The following KLF12 variants were observed in gnomAD, a reference collection of about 807,000 sequenced individuals.
KLF12 encodes Krueppel-like factor 12.
Under a neutral mutation model 37.8 loss-of-function variants are expected in KLF12, and 9 were observed. The observed-to-expected ratio is 0.24, with a 90% CI of 0.14 to 0.42. The LOEUF (loss-of-function observed/expected upper bound fraction) is 0.42. Ranked by LOEUF, KLF12 falls within the 10% of genes least tolerant of loss-of-function variation. KLF12 has a pLI of 1.00. For missense variants in KLF12, 411 were observed against 516.0 expected (o/e 0.80, Z 1.97); for synonymous variants, 208 against 202.1 (o/e 1.03, Z -0.25).
intron 1 of KLF12, among the ~76,000 whole-genome samples, chr13:74,126,048 A>G (rs1221507774): frequency 1.3e-5 from 2 of 152,238 alleles, no homozygotes; most frequent in Non-Finnish European, 1.5e-5. Flanking sequence ...AATACAGTTC[A>G]TAAGAGTCCA....
chr13:73,804,470 CA>C (rs1882455787), intron 5 of KLF12, among the ~76,000 whole-genome samples: 1 of 151,880 alleles, frequency 6.6e-6, no homozygotes, highest in Non-Finnish European at 1.5e-5. Context: ...ACTGTCCCAC[CA>C]CAGCAGATAA....
At position 73,691,587 on chromosome 13, in the gene KLF12, T is replaced by C. The variant is rs1000749600; in HGVS notation, c.*3903A>G. ...GCTTAATTTCTGTCAATCCTCACTA[T>C]AAATGTTAAGACATCTTTAGAACAA... On this transcript the variant is annotated 3_prime_UTR_variant, in exon 8 of 8. Transcript: ENST00000377669. 4 of 152,756 alleles carry C rather than the reference T, an allele frequency of 2.6e-5. No individual in the cohort carries two copies. The highest frequency in any genetic ancestry group is 2.1e-4 in the South Asian group (1 of 4,820). The allele number at this position is 152,756 out of a possible 1,614,324, so 9.5% of individuals were successfully genotyped here.
chr13:73,805,610 A>AAGGGAGGGAGGG (rs1175434136), intron 5 of KLF12, among the ~76,000 whole-genome samples: 2 of 67,024 alleles, frequency 3.0e-5, no homozygotes, highest in African/African-American at 6.6e-5. Context: ...TGTCAGAAGG[A>AAGGGAGGGAGGG]AGGGAGGGAG....
the KLF12 span, among the ~76,000 whole-genome samples, chr13:74,262,895 A>G: frequency 7.2e-5 from 11 of 152,284 alleles, no homozygotes; most frequent in Admixed American, 2.0e-4. Context: ...AATGTTATTG[A>G]CAAATATGCA....
At chr13:74,203,197 G>C in the KLF12 span, among the ~76,000 whole-genome samples, 1 of 152,002 alleles carries the variant, frequency 6.6e-6, no homozygotes, top group Non-Finnish European at 1.5e-5. Flanking sequence ...ATATCTCTTT[G>C]CAAATGCTGC....
intron 3 of KLF12, among the ~76,000 whole-genome samples, chr13:73,853,737 TAA>T (rs10715902): frequency 0.044 from 6,128 of 139,536 alleles, 324 homozygotes; most frequent in African/African-American, 0.13. Context: ...AGACCCTGTC[TAA>T]AAAAAAAAAA....
chr13:73,935,789 G>A (rs536091753), intron 3 of KLF12, among the ~76,000 whole-genome samples: 7 of 151,992 alleles, frequency 4.6e-5, no homozygotes, highest in Non-Finnish European at 1.0e-4. Context: ...CACCATGCCT[G>A]GCTAATTTTT....
chr13:74,031,927 T>C (rs768327750), intron 1 of KLF12, among the ~76,000 whole-genome samples: 15 of 152,154 alleles, frequency 9.9e-5, no homozygotes, highest in Non-Finnish European at 1.9e-4. Flanking sequence ...TTAATTATTT[T>C]AGGTAAATAG....
chr13:73,887,002 A>C (rs1424462733), intron 3 of KLF12, among the ~76,000 whole-genome samples: 3 of 151,976 alleles, frequency 2.0e-5, no homozygotes, highest in Non-Finnish European at 4.4e-5. Flanking sequence ...CAAAAAAAAA[A>C]AAAAAACAAG....
chr13:74,167,876 A>C, the KLF12 span, among the ~76,000 whole-genome samples: 1 of 152,250 alleles, frequency 6.6e-6, no homozygotes, highest in Non-Finnish European at 1.5e-5. Context: ...TTATAAAAGT[A>C]TACATTAAAG....
intron 1 of KLF12, among the ~76,000 whole-genome samples, chr13:74,062,666 A>G: frequency 6.6e-6 from 1 of 152,202 alleles, no homozygotes; most frequent in East Asian, 1.9e-4. Context: ...TGTCTTCAAT[A>G]TGCTGATAAA....
intron 1 of KLF12, among the ~76,000 whole-genome samples, chr13:74,014,314 C>A (rs1892633546): frequency 6.6e-6 from 1 of 152,196 alleles, no homozygotes; most frequent in Non-Finnish European, 1.5e-5. Context: ...ATGAAGTTTT[C>A]TTCTTCCTAT....
the KLF12 span, among the ~76,000 whole-genome samples, chr13:74,221,044 C>T: frequency 2.7e-5 from 4 of 150,024 alleles, no homozygotes; most frequent in Non-Finnish European, 5.9e-5. Flanking sequence ...GGCTCTGTCG[C>T]CCCAGGCTGG....
chr13:74,102,400 A>C (rs1566213209), intron 1 of KLF12, among the ~76,000 whole-genome samples: 2 of 151,702 alleles, frequency 1.3e-5, no homozygotes, highest in East Asian at 3.9e-4. Context: ...ACAGATGATC[A>C]AAAATTAACA....
chr13:74,037,406 A>AC (rs983452901), intron 1 of KLF12, among the ~76,000 whole-genome samples: 4 of 151,462 alleles, frequency 2.6e-5, no homozygotes, highest in African/African-American at 9.7e-5. Context: ...ACCCATTTAG[A>AC]CCCCCCATGC....
At chr13:74,252,973 ATCTG>A in the KLF12 span, among the ~76,000 whole-genome samples, 3 of 122,870 alleles carry the variant, frequency 2.4e-5, no homozygotes, top group Non-Finnish European at 5.1e-5. Context: ...TCTATCTGTC[ATCTG>A]TCTATCTATC....
chr13:74,101,615 T>C (rs2138871969), intron 1 of KLF12, among the ~76,000 whole-genome samples: 1 of 152,070 alleles, frequency 6.6e-6, no homozygotes, highest in East Asian at 1.9e-4. Flanking sequence ...GAACTGCTTA[T>C]TGTGCCATAA....
At chr13:74,115,485 A>G (rs1474344457) in intron 1 of KLF12, among the ~76,000 whole-genome samples, 1 of 152,140 alleles carries the variant, frequency 6.6e-6, no homozygotes, top group African/African-American at 2.4e-5. Flanking sequence ...CAGGTGGATC[A>G]CCTGAAGTCA....
chr13:73,777,871 C>T (rs2138169827), intron 5 of KLF12, among the ~76,000 whole-genome samples: 1 of 152,080 alleles, frequency 6.6e-6, no homozygotes, highest in East Asian at 1.9e-4. Context: ...GTGGCTCATG[C>T]ATGTAATCCC....
Sources: gnomAD v4.1 joint callset for allele counts (sites outside exome capture counted in the v4.1 genomes callset) on GRCh38, gnomAD v4.1.1 for gene constraint, MANE v1.5 for transcripts, NCBI Gene and HGNC (gene_info 2026-07-23, HGNC 2026-07-21) for gene names.